Variants in ADAM29 observed in about 807,000 individuals in gnomAD.
ADAM29 encodes disintegrin and metalloproteinase domain-containing protein 29.
For synonymous variants in ADAM29, 367 were observed against 342.3 expected (o/e 1.07, Z -0.80); for missense variants, 969 against 1,001.8 (o/e 0.97, Z 0.44).
At chr4:174,948,170 A>G (rs1456547902) in intron 4 of ADAM29, among the ~76,000 whole-genome samples, 1 of 152,138 alleles carries the variant, frequency 6.6e-6, no homozygotes, top group Non-Finnish European at 1.5e-5. Context: ...CATTTCAGCC[A>G]TTTCAGCTTG....
At chr4:174,969,956 T>C (rs1349343680) in intron 4 of ADAM29, among the ~76,000 whole-genome samples, 1 of 152,058 alleles carries the variant, frequency 6.6e-6, no homozygotes, top group East Asian at 1.9e-4. Context: ...TTCTCTGCAG[T>C]GTGGGGCTTG....
chr4:174,944,608 G>A (rs938491642), intron 4 of ADAM29, among the ~76,000 whole-genome samples: 12 of 152,048 alleles, frequency 7.9e-5, no homozygotes, highest in African/African-American at 2.7e-4. Context: ...GGGGTTTGAT[G>A]TACTGATTAT....
intron 3 of ADAM29, among the ~76,000 whole-genome samples, chr4:174,931,728 A>G (rs2110933299): frequency 6.6e-6 from 1 of 152,230 alleles, no homozygotes; most frequent in East Asian, 1.9e-4. Context: ...TAAACTTTGT[A>G]ATTAATTCTG....
intron 4 of ADAM29, among the ~76,000 whole-genome samples, chr4:174,949,827 C>T (rs1287746830): frequency 6.6e-6 from 1 of 152,092 alleles, no homozygotes; most frequent in African/African-American, 2.4e-5. Flanking sequence ...GCTATTAATC[C>T]TTTCCCCCTC....
intron 2 of ADAM29, among the ~76,000 whole-genome samples, chr4:174,921,662 G>A (rs1296161655): frequency 1.3e-5 from 2 of 152,046 alleles, no homozygotes; most frequent in South Asian, 2.1e-4. Context: ...TCAGTTTCCC[G>A]TCTCAGTAAA....
chr4:174,976,596 T>G lies in ADAM29; in HGVS notation c.1071T>G (p.His357Gln). Residue 357 changes from histidine (H) to glutamine (Q), a missense_variant, in exon 5 of 5, where the codon CAT becomes CAG. By Grantham distance (24) the His-to-Gln change is conservative. Transcript: ENST00000359240. ...GTTCACAACCTAGATGCATAATGCA[T>G]GAAGGCAACCCACCAATAACTAAAT... ...CRCSQPRCIM[H>Q]EGNPPITKFS... The G allele has an allele frequency of 6.2e-7, 1 of 1,606,102 alleles. No homozygotes were observed. The highest frequency in any genetic ancestry group is 8.5e-7 in the Non-Finnish European group (1 of 1,176,032).
At chr4:174,969,722 T>C (rs4254745) in intron 4 of ADAM29, among the ~76,000 whole-genome samples, 28,361 of 152,056 alleles carry the variant, frequency 0.19, 3,245 homozygotes, top group East Asian at 0.32. Context: ...TATTTTGATG[T>C]GTCAGTTAAT....
chr4:174,975,532 A>T lies in ADAM29; in HGVS notation c.7A>T (p.Met3Leu). MK[M>L]LLLLHCLGVF... ...ATTTGAAGCCTTTTTGAACATGAAG[A>T]TGTTACTCCTGCTGCATTGCCTTGG... The change falls in exon 5 of 5, where the codon ATG (methionine) becomes TTG (leucine). Residue 3 changes from methionine (M) to leucine (L), a missense_variant. By Grantham distance (15) the Met-to-Leu change is conservative. Coordinates refer to ENST00000359240, the MANE Select transcript of ADAM29 (RefSeq NM_014269.4). The T allele has an allele frequency of 6.6e-7, 1 of 1,505,430 alleles. No individual in the cohort carries two copies. The highest frequency in any genetic ancestry group is 8.9e-7 in the Non-Finnish European group (1 of 1,126,782). 93.3% of individuals were successfully genotyped at this position (1,505,430 alleles called of 1,614,324 possible).
chr4:174,960,263 T>C (rs1375259998), intron 4 of ADAM29, among the ~76,000 whole-genome samples: 1 of 152,068 alleles, frequency 6.6e-6, no homozygotes, highest in African/African-American at 2.4e-5. Flanking sequence ...TTTGGTCTGT[T>C]AATTTTTTTC....
At chr4:174,961,300 T>A (rs1257488183) in intron 4 of ADAM29, among the ~76,000 whole-genome samples, 12 of 151,302 alleles carry the variant, frequency 7.9e-5, no homozygotes, top group Admixed American at 7.3e-4. Context: ...TATTTATCTA[T>A]AATAGATATT....
chr4:174,925,930 A>G (rs934593289), intron 2 of ADAM29, among the ~76,000 whole-genome samples: 11 of 152,222 alleles, frequency 7.2e-5, no homozygotes, highest in Admixed American at 7.2e-4. Context: ...ATATGGGATC[A>G]CACAATAACA....
At chr4:174,949,600 G>T (rs546165431) in intron 4 of ADAM29, among the ~76,000 whole-genome samples, 13 of 151,892 alleles carry the variant, frequency 8.6e-5, no homozygotes, top group Admixed American at 3.9e-4. Context: ...CCCAGCATTT[G>T]TGTCTTCCCT....
intron 4 of ADAM29, among the ~76,000 whole-genome samples, chr4:174,938,170 TA>T (rs1471579937): frequency 1.3e-5 from 2 of 152,066 alleles, no homozygotes; most frequent in Non-Finnish European, 2.9e-5. Flanking sequence ...AGGAAAATTC[TA>T]AGTGGAGATA....
chr4:174,976,737 TGTTGAAGAAGGAGAAGA>T lies in ADAM29; in HGVS notation c.1215_1231del (p.Glu406Ter). 6.2e-7 allele frequency: 1 copy of T among 1,613,932 alleles called. No individual in the cohort carries two copies. The highest frequency in any genetic ancestry group is 1.1e-5 in the South Asian group (1 of 91,046). On this transcript the variant is annotated frameshift_variant, in exon 5 of 5. Coordinates refer to ENST00000359240, the MANE Select transcript of ADAM29 (RefSeq NM_014269.4). LOFTEE classifies it low-confidence loss of function (END_TRUNC). ...ATGTGAAGCGCTGTGGGAATGGTGT[TGTTGAAGAAGGAGAAGA>T]GTGTGACTGTGGACCTTTAAAGCAT...
At chr4:174,939,152 C>T (rs1744376225) in intron 4 of ADAM29, among the ~76,000 whole-genome samples, 1 of 152,150 alleles carries the variant, frequency 6.6e-6, no homozygotes, top group African/African-American at 2.4e-5. Context: ...AGTACATTCA[C>T]AGGTTCCTGG....
chr4:174,926,761 A>C (rs1743544701), intron 2 of ADAM29, among the ~76,000 whole-genome samples: 1 of 151,644 alleles, frequency 6.6e-6, no homozygotes, highest in Admixed American at 6.6e-5. Context: ...ACAAAACATA[A>C]CACTGTTTCC....
Position 174,976,423 on chromosome 4 carries a change from A to G in ADAM29, c.898A>G (p.Ile300Val). The G allele has an allele frequency of 6.3e-7, 1 of 1,598,796 alleles. No individual in the cohort carries two copies. Among genetic ancestry groups the G allele is most frequent in the Non-Finnish European group, 8.5e-7 (1 of 1,173,632 alleles). The change falls in exon 5 of 5, where the codon ATA becomes GTA. Residue 300 changes from isoleucine (I) to valine (V), a missense_variant. Ile to Val is a conservative substitution (Grantham distance 29). Coordinates refer to ENST00000359240, the MANE Select transcript of ADAM29 (RefSeq NM_014269.4). ...TTLGLRGLSG[I>V]GAFRGMCTPH... ...TCTAGGATTAAGAGGGTTAAGTGGC[A>G]TAGGAGCTTTTAGAGGAATGTGTAC...
intron 2 of ADAM29, among the ~76,000 whole-genome samples, chr4:174,923,536 T>TAC (rs1471573057): frequency 7.7e-6 from 1 of 130,712 alleles, no homozygotes; most frequent in Non-Finnish European, 1.6e-5. Flanking sequence ...TATATATATA[T>TAC]ATATATATAT....
At chr4:174,929,693 G>A (rs1207969479) in intron 2 of ADAM29, among the ~76,000 whole-genome samples, 1 of 151,610 alleles carries the variant, frequency 6.6e-6, no homozygotes, top group Non-Finnish European at 1.5e-5. Context: ...TTTTTGTATA[G>A]GATTTACATA....
Sources: gnomAD v4.1 joint callset for allele counts (sites outside exome capture counted in the v4.1 genomes callset) on GRCh38, gnomAD v4.1.1 for gene constraint, MANE v1.5 for transcripts, NCBI Gene and HGNC (gene_info 2026-07-23, HGNC 2026-07-21) for gene names.